GRM7: variants seen among roughly 807,000 people sequenced by gnomAD.
GRM7 encodes glutamate metabotropic receptor 7, also known as metabotropic glutamate receptor 7.
A neutral mutation model predicts 84.5 loss-of-function variants in GRM7; 35 were observed. That is an observed-to-expected ratio of 0.41 (90% CI 0.32 to 0.55). The LOEUF is 0.55. Ranked by LOEUF, GRM7 falls within the 20% of genes least tolerant of loss-of-function variation. The probability of loss-of-function intolerance (pLI) is 0.19; values close to 1 mark genes in which losing one functional copy is unlikely to be tolerated. For missense variants in GRM7, 1,003 were observed against 1,194.6 expected (o/e 0.84, Z 2.36); for synonymous variants, 487 against 455.1 (o/e 1.07, Z -0.89).
intron 1 of GRM7, among the ~76,000 whole-genome samples, chr3:6,935,653 T>A (rs1697663183): frequency 6.7e-6 from 1 of 149,210 alleles, no homozygotes; most frequent in Admixed American, 6.7e-5. Flanking sequence ...AAGGAAAGGC[T>A]TTGATTTCTG....
chr3:7,610,466 G>A (rs568875556), intron 8 of GRM7, among the ~76,000 whole-genome samples: 2 of 152,148 alleles, frequency 1.3e-5, no homozygotes, highest in Non-Finnish European at 2.9e-5. Flanking sequence ...TTGCTGTGGT[G>A]TCATAAGGTA....
At chr3:7,574,056 A>G (rs1370464260) in intron 7 of GRM7, among the ~76,000 whole-genome samples, 2 of 152,136 alleles carry the variant, frequency 1.3e-5, no homozygotes. Flanking sequence ...TTTGCCTTCA[A>G]AGATGTAAAT....
chr3:7,203,536 A>G (rs1311129104), intron 2 of GRM7, among the ~76,000 whole-genome samples: 1 of 152,178 alleles, frequency 6.6e-6, no homozygotes. Flanking sequence ...GCTATTGTGA[A>G]TAATGCTGCT....
At chr3:6,879,762 T>C (rs188734511) in intron 1 of GRM7, among the ~76,000 whole-genome samples, 214 of 152,330 alleles carry the variant, frequency 1.4e-3, no homozygotes, top group African/African-American at 4.6e-3. Context: ...CGATTTATAA[T>C]GAGTTTACCT....
intron 4 of GRM7, among the ~76,000 whole-genome samples, chr3:7,362,142 T>C (rs1410073240): frequency 6.6e-6 from 1 of 152,118 alleles, no homozygotes; most frequent in East Asian, 1.9e-4. Context: ...GTCATTGTGA[T>C]TGAAATGCTG....
At chr3:7,141,226 C>A (rs1321779594) in intron 1 of GRM7, among the ~76,000 whole-genome samples, 1 of 151,686 alleles carries the variant, frequency 6.6e-6, no homozygotes, top group African/African-American at 2.4e-5. Flanking sequence ...AAAGCTATTA[C>A]AACTAAAAAG....
chr3:7,341,212 T>A (rs1211665791), intron 4 of GRM7, among the ~76,000 whole-genome samples: 1 of 152,160 alleles, frequency 6.6e-6, no homozygotes, highest in Non-Finnish European at 1.5e-5. Context: ...TGGAAAAGAA[T>A]ACTTCTCAAA....
intron 6 of GRM7, among the ~76,000 whole-genome samples, chr3:7,455,861 A>T (rs1697986978): frequency 6.6e-6 from 1 of 152,154 alleles, no homozygotes; most frequent in Non-Finnish European, 1.5e-5. Context: ...GTATGATTTT[A>T]AAAAACTCTT....
intron 4 of GRM7, among the ~76,000 whole-genome samples, chr3:7,383,841 G>GT (rs1267399316): frequency 6.6e-6 from 1 of 152,118 alleles, no homozygotes. Context: ...TAACGTTAAT[G>GT]TTTACTTTTT....
chr3:7,076,751 T>A (rs577503805), intron 1 of GRM7, among the ~76,000 whole-genome samples: 14 of 151,928 alleles, frequency 9.2e-5, no homozygotes, highest in African/African-American at 3.4e-4. Context: ...AAAGAAAAAA[T>A]TGTGCTATAT....
At chr3:6,887,024 T>C (rs139510988) in intron 1 of GRM7, among the ~76,000 whole-genome samples, 32 of 152,184 alleles carry the variant, frequency 2.1e-4, no homozygotes, top group Non-Finnish European at 4.1e-4. Context: ...TCTGAATTTG[T>C]TGTTGTTTTT....
In GRM7 at chr3:7,229,398, G is replaced by A. The variant is rs973849993; in HGVS notation, c.737-69286G>A. 2.6e-5 allele frequency among the ~76,000 whole-genome samples: 4 copies of A among 151,896 alleles called. No homozygotes were observed. The South Asian group carries it at 6.2e-4, about 24-fold the overall frequency. On this transcript the variant is annotated intron_variant, in intron 2 of 9. Transcript: ENST00000357716. ...TTTCCTTATTATAGCTGAGGAAGAT[G>A]AGGCAGATAGAGTTAAGTAACAGGT...
At chr3:7,052,911 A>G (rs112572153) in intron 1 of GRM7, among the ~76,000 whole-genome samples, 3,643 of 151,428 alleles carry the variant, frequency 0.024, 150 homozygotes, top group African/African-American at 0.084. Context: ...ATAACTGCCT[A>G]GTAGTGTATT....
At chr3:7,309,178 T>G (rs945495447) in intron 4 of GRM7, among the ~76,000 whole-genome samples, 4 of 152,206 alleles carry the variant, frequency 2.6e-5, no homozygotes, top group African/African-American at 7.2e-5. Flanking sequence ...CAATCAAGTT[T>G]TGTTCACTTT....
intron 3 of GRM7, among the ~76,000 whole-genome samples, chr3:7,301,827 GTTAT>G (rs1196739397): frequency 6.6e-6 from 1 of 152,088 alleles, no homozygotes; most frequent in African/African-American, 2.4e-5. Flanking sequence ...ATAATGTTAC[GTTAT>G]TTCTTTCTTC....
At chr3:7,281,052 G>T (rs1223520058) in intron 2 of GRM7, among the ~76,000 whole-genome samples, 2 of 152,094 alleles carry the variant, frequency 1.3e-5, no homozygotes, top group Non-Finnish European at 2.9e-5. Flanking sequence ...GTCAGGAATG[G>T]TTCTCTTTGG....
At chr3:6,911,576 A>G (rs948007509) in intron 1 of GRM7, among the ~76,000 whole-genome samples, 1 of 152,160 alleles carries the variant, frequency 6.6e-6, no homozygotes, top group African/African-American at 2.4e-5. Flanking sequence ...AAGTCATCTC[A>G]GTAAATGTTT....
chr3:7,467,500 C>T lies in GRM7; in HGVS notation c.1515+5778C>T, dbSNP rs189570990. 1.7e-3 allele frequency among the ~76,000 whole-genome samples: 264 copies of T among 152,204 alleles called. 3 individuals carry two copies. The highest frequency in any genetic ancestry group is 0.016 in the Admixed American group (239 of 15,292). On this transcript the variant is annotated intron_variant, in intron 7 of 9. Transcript: ENST00000357716. The stretch of plus-strand genomic sequence containing the variant: ...AGCCATAGTGATAGGGATGGGTACC[C>T]GTACTACGTCTCCCTAATCAAGACA...
intron 8 of GRM7, among the ~76,000 whole-genome samples, chr3:7,628,286 G>A (rs1447574356): frequency 6.6e-6 from 1 of 152,186 alleles, no homozygotes; most frequent in African/African-American, 2.4e-5. Context: ...GTGCAGCACT[G>A]TCCTCAGGTA....
Sources: allele counts gnomAD v4.1 joint callset (sites outside exome capture counted in the v4.1 genomes callset), GRCh38; gene constraint gnomAD v4.1.1; transcripts MANE v1.5; gene names NCBI Gene and HGNC (gene_info 2026-07-23, HGNC 2026-07-21).